The following STARD13 variants were observed in gnomAD, a reference collection of about 807,000 sequenced individuals.
STARD13 encodes the protein StAR related lipid transfer domain containing 13.
A neutral mutation model predicts 106.4 loss-of-function variants in STARD13; 62 were observed. The observed-to-expected ratio is 0.58, with a 90% CI of 0.48 to 0.72. The LOEUF is 0.72. Among genes scored for constraint, STARD13 ranks in the 30% least tolerant of loss-of-function variants. The probability of loss-of-function intolerance (pLI) is 0.00; values close to 1 mark genes in which losing one functional copy is unlikely to be tolerated. For synonymous variants in STARD13, 565 were observed against 553.0 expected, an observed-to-expected ratio of 1.02 and a Z score of -0.31; for missense variants, 1,387 against 1,424.0, an observed-to-expected ratio of 0.97 and a Z score of 0.42.
upstream of STARD13, among the ~76,000 whole-genome samples, chr13:33,290,094 C>T (rs145425036): frequency 1.1e-4 from 16 of 152,194 alleles, no homozygotes; most frequent in African/African-American, 2.4e-4. Context: ...CCCAGATTAG[C>T]GCTCAATGGA....
At chr13:33,403,335 CAG>C in the STARD13 span, among the ~76,000 whole-genome samples, 7 of 152,282 alleles carry the variant, frequency 4.6e-5, no homozygotes, top group African/African-American at 1.4e-4. Context: ...GCAATAATGA[CAG>C]AGTTTGTTTG....
At chr13:33,168,057 T>C (rs1269647193) in intron 1 of STARD13, among the ~76,000 whole-genome samples, 1 of 152,034 alleles carries the variant, frequency 6.6e-6, no homozygotes, top group African/African-American at 2.4e-5. Flanking sequence ...TCCTTCATTC[T>C]TTCACTCTTG....
chr13:33,647,409 C>T, the STARD13 span, among the ~76,000 whole-genome samples: 1 of 152,230 alleles, frequency 6.6e-6, no homozygotes, highest in Middle Eastern at 3.4e-3. Context: ...GCCTTTTTCC[C>T]AGTTGTACAC....
intron 1 of STARD13, among the ~76,000 whole-genome samples, chr13:33,308,385 G>C (rs1594244977): frequency 6.6e-6 from 1 of 152,052 alleles, no homozygotes; most frequent in East Asian, 1.9e-4. Context: ...TATTTTTTAA[G>C]TGTTAGAAAA....
At chr13:33,424,763 G>A in the STARD13 span, among the ~76,000 whole-genome samples, 5 of 152,218 alleles carry the variant, frequency 3.3e-5, no homozygotes, top group Middle Eastern at 3.4e-3. Context: ...AAGACATAGC[G>A]GTAGTGGTAG....
chr13:33,338,454 A>C (rs1264043921), intron 1 of STARD13, among the ~76,000 whole-genome samples: 1 of 152,210 alleles, frequency 6.6e-6, no homozygotes, highest in Non-Finnish European at 1.5e-5. Context: ...TTGATGATGA[A>C]ATCATAGTTG....
At chr13:33,209,737 G>A (rs777168640) in intron 1 of STARD13, among the ~76,000 whole-genome samples, 5 of 152,124 alleles carry the variant, frequency 3.3e-5, no homozygotes, top group Non-Finnish European at 7.3e-5. Context: ...TTGGGAGACC[G>A]AGGTGGGAGG....
At chr13:33,371,800 T>C in the STARD13 span, among the ~76,000 whole-genome samples, 1 of 152,218 alleles carries the variant, frequency 6.6e-6, no homozygotes, top group African/African-American at 2.4e-5. Flanking sequence ...CATGAACTCC[T>C]CATTTTTCAA....
intron 1 of STARD13, among the ~76,000 whole-genome samples, chr13:33,203,023 G>A (rs1477956621): frequency 6.6e-6 from 1 of 152,218 alleles, no homozygotes; most frequent in African/African-American, 2.4e-5. Context: ...GACTTTAAAT[G>A]GCCTGAAAGT....
intron 1 of STARD13, among the ~76,000 whole-genome samples, chr13:33,296,605 C>T (rs534335288): frequency 2.0e-5 from 3 of 152,234 alleles, no homozygotes; most frequent in East Asian, 1.9e-4. Flanking sequence ...CACCATTCTA[C>T]TCTCTGCTTC....
the STARD13 span, among the ~76,000 whole-genome samples, chr13:33,589,288 C>G: frequency 2.6e-5 from 4 of 152,026 alleles, no homozygotes; most frequent in Admixed American, 1.3e-4. Context: ...TTTTTTGTGT[C>G]TCTATCTCCT....
intron 1 of STARD13, among the ~76,000 whole-genome samples, chr13:33,197,342 T>A (rs1466174034): frequency 2.6e-5 from 4 of 152,090 alleles, no homozygotes; most frequent in Admixed American, 2.6e-4. Flanking sequence ...TAGACAGATT[T>A]AGGCAGGGTT....
At chr13:33,176,996 G>A (rs184366715) in intron 1 of STARD13, among the ~76,000 whole-genome samples, 1 of 152,260 alleles carries the variant, frequency 6.6e-6, no homozygotes, top group East Asian at 1.9e-4. Flanking sequence ...TCTTAATTGA[G>A]GATCTTCACA....
chr13:33,414,047 A>AAAAAAAAAAAAG, the STARD13 span, among the ~76,000 whole-genome samples: 146 of 143,656 alleles, frequency 1.0e-3, 1 homozygote, highest in African/African-American at 3.6e-3. Flanking sequence ...AAAAAAAAAA[A>AAAAAAAAAAAAG]AAAGAAAAGA....
chr13:33,664,863 T>C, the STARD13 span, among the ~76,000 whole-genome samples: 1 of 152,180 alleles, frequency 6.6e-6, no homozygotes, highest in African/African-American at 2.4e-5. Flanking sequence ...CCTGACCTCA[T>C]GATCCGCCCG....
chr13:33,377,082 T>A, the STARD13 span, among the ~76,000 whole-genome samples: 1 of 152,240 alleles, frequency 6.6e-6, no homozygotes, highest in African/African-American at 2.4e-5. Context: ...GATAGTTTTA[T>A]GTATTTTATG....
At chr13:33,443,132 A>C in the STARD13 span, among the ~76,000 whole-genome samples, 1 of 152,104 alleles carries the variant, frequency 6.6e-6, no homozygotes, top group African/African-American at 2.4e-5. Flanking sequence ...TAATCCCAGC[A>C]CTTTGGGAGG....
At chr13:33,285,321 T>C in intron 1 of STARD13, 149 bp downstream of exon 1, 1 of 858,156 alleles carries the variant, frequency 1.2e-6, no homozygotes, top group Non-Finnish European at 1.8e-6. Context: ...AACTGCAGCC[T>C]AAAGTTATTT....
At chr13:33,147,818 A>T (rs1238903408) in intron 3 of STARD13, among the ~76,000 whole-genome samples, 1 of 152,194 alleles carries the variant, frequency 6.6e-6, no homozygotes, top group African/African-American at 2.4e-5. Context: ...CAAATTCAAG[A>T]CTTCCTATGA....
Sources: allele counts gnomAD v4.1 joint callset (sites outside exome capture counted in the v4.1 genomes callset), GRCh38; gene constraint gnomAD v4.1.1; transcripts MANE v1.5; gene names NCBI Gene and HGNC (gene_info 2026-07-23, HGNC 2026-07-21).